The following TMTC2 variants were observed in gnomAD, a reference collection of about 807,000 sequenced individuals.
TMTC2 encodes the protein transmembrane O-mannosyltransferase targeting cadherins 2.
In TMTC2, 43 loss-of-function variants were observed where a neutral mutation model predicts 82.4. The observed-to-expected ratio is 0.52, with a 90% CI of 0.41 to 0.67. TMTC2 has a LOEUF of 0.67. Ranked by LOEUF, TMTC2 falls within the 30% of genes least tolerant of loss-of-function variation. The pLI is 0.00. For synonymous variants in TMTC2, 408 were observed against 381.9 expected (o/e 1.07, Z -0.80); for missense variants, 919 against 1,012.4 (o/e 0.91, Z 1.25).
At chr12:82,700,285 G>A (rs1181060720) in intron 1 of TMTC2, among the ~76,000 whole-genome samples, 3 of 152,066 alleles carry the variant, frequency 2.0e-5, no homozygotes, top group Admixed American at 6.5e-5. Flanking sequence ...AAAGTACTTG[G>A]AACCATACTA....
At chr12:82,836,075 A>C (rs971704433) in intron 1 of TMTC2, among the ~76,000 whole-genome samples, 1 of 152,214 alleles carries the variant, frequency 6.6e-6, no homozygotes, top group East Asian at 1.9e-4. Flanking sequence ...AAGAAATAGC[A>C]GTAATTTTTA....
At chr12:82,874,904 G>T (rs1872399987) in intron 2 of TMTC2, among the ~76,000 whole-genome samples, 1 of 151,912 alleles carries the variant, frequency 6.6e-6, no homozygotes, top group Non-Finnish European at 1.5e-5. Flanking sequence ...CAAATAATTT[G>T]AAATTAATTT....
chr12:82,842,631 C>A (rs184720155), intron 1 of TMTC2, among the ~76,000 whole-genome samples: 32 of 152,278 alleles, frequency 2.1e-4, no homozygotes, highest in Non-Finnish European at 3.5e-4. Flanking sequence ...TAACAGACCA[C>A]CACAGACTGG....
chr12:83,111,000 A>G (rs1490770512), intron 11 of TMTC2, among the ~76,000 whole-genome samples: 1 of 152,108 alleles, frequency 6.6e-6, no homozygotes, highest in Non-Finnish European at 1.5e-5. Flanking sequence ...TTCCCTTCCC[A>G]TGGTCTTTCC....
chr12:82,860,757 CAT>C (rs947861515), intron 2 of TMTC2, among the ~76,000 whole-genome samples: 12 of 152,222 alleles, frequency 7.9e-5, no homozygotes, highest in African/African-American at 2.9e-4. Flanking sequence ...AGTCTCTACA[CAT>C]AGAGTTGTTT....
At position 82,730,296 on chromosome 12, in the gene TMTC2, C is replaced by CAAAAAAAAAAAAAAAAAAAAAAAA. The variant is rs368959079; in HGVS notation, c.83+42647_83+42648insAAAAAAAAAAAAAAAAAAAAAAAA. ...GGCAACAGAGCAAAACTCTGTCTCT[C>CAAAAAAAAAAAAAAAAAAAAAAAA]AAAAAAAAAAAAAAAAAAAAGCAGA... is the stretch of plus-strand genomic sequence containing the variant. On this transcript the variant is annotated intron_variant, in intron 1 of 11. Transcript: ENST00000321196. Among the ~76,000 whole-genome samples the CAAAAAAAAAAAAAAAAAAAAAAAA allele has an allele frequency of 2.5e-5, 2 of 79,004 alleles. 1 individual carries two copies. The highest frequency in any genetic ancestry group is 4.5e-5 in the Non-Finnish European group (2 of 44,074). 51.8% of individuals were successfully genotyped at this position (79,004 alleles called of 152,430 possible). A position where few individuals can be genotyped will look rare whatever the true frequency, so the allele number is the denominator to read the frequency against.
chr12:83,062,633 A>C (rs1304220840), intron 11 of TMTC2, among the ~76,000 whole-genome samples: 1 of 151,860 alleles, frequency 6.6e-6, no homozygotes, highest in African/African-American at 2.4e-5. Context: ...ATTTCTTTAT[A>C]GTAACTCATC....
At chr12:82,757,631 A>G (rs79216249) in intron 1 of TMTC2, among the ~76,000 whole-genome samples, 7,527 of 152,296 alleles carry the variant, frequency 0.049, 254 homozygotes, top group Middle Eastern at 0.16. Flanking sequence ...TGAATTTTCA[A>G]ATTGCTCCTT....
Position 82,821,037 on chromosome 12 carries a change from T to C in TMTC2, c.84-35973T>C, listed in dbSNP as rs201393375. On this transcript the variant is annotated intron_variant, in intron 1 of 11. Transcript: ENST00000321196. ...TTGTGCCTGGATAATTTTTTTTTTT[T>C]TCGTAGAGGAAGAGTCTTGCGATGT... Among the ~76,000 whole-genome samples the C allele has an allele frequency of 2.6e-5, 4 of 152,074 alleles. No individual in the cohort carries two copies. The East Asian group carries it at 7.7e-4, about 29-fold the overall frequency.
chr12:82,730,177 C>G (rs1350002126), intron 1 of TMTC2, among the ~76,000 whole-genome samples: 1 of 151,688 alleles, frequency 6.6e-6, no homozygotes, highest in Admixed American at 6.6e-5. Context: ...TGCCTGGAGT[C>G]CCAGCTATTC....
At chr12:82,782,488 G>A (rs1877957067) in intron 1 of TMTC2, among the ~76,000 whole-genome samples, 1 of 152,044 alleles carries the variant, frequency 6.6e-6, no homozygotes, top group African/African-American at 2.4e-5. Flanking sequence ...GAAGGAACAG[G>A]AACTCTAAAC....
At chr12:82,952,721 T>A (rs1219160703) in intron 4 of TMTC2, among the ~76,000 whole-genome samples, 2 of 151,996 alleles carry the variant, frequency 1.3e-5, no homozygotes, top group East Asian at 3.9e-4. Flanking sequence ...AATTTTTGTG[T>A]GTGGTGTTTT....
At chr12:82,787,541 TA>T (rs1878240232) in intron 1 of TMTC2, among the ~76,000 whole-genome samples, 1 of 152,188 alleles carries the variant, frequency 6.6e-6, no homozygotes, top group African/African-American at 2.4e-5. Flanking sequence ...ATCTTTGACC[TA>T]ATTCATTTTA....
At chr12:82,744,398 G>A (rs551283839) in intron 1 of TMTC2, among the ~76,000 whole-genome samples, 2 of 152,140 alleles carry the variant, frequency 1.3e-5, no homozygotes, top group South Asian at 2.1e-4. Context: ...ACTTCAGCCC[G>A]GTTGACAGAG....
intron 1 of TMTC2, among the ~76,000 whole-genome samples, chr12:82,728,823 G>A (rs1332396793): frequency 1.3e-5 from 2 of 152,216 alleles, no homozygotes; most frequent in African/African-American, 2.4e-5. Context: ...AGGCCAGCGC[G>A]AGTTCCAGGT....
chr12:82,709,488 A>G (rs979704645), intron 1 of TMTC2, among the ~76,000 whole-genome samples: 1 of 152,236 alleles, frequency 6.6e-6, no homozygotes, highest in Non-Finnish European at 1.5e-5. Context: ...GTAAGTCCTG[A>G]CAAGTAAATG....
chr12:82,842,699 C>A (rs1870406999), intron 1 of TMTC2, among the ~76,000 whole-genome samples: 3 of 152,148 alleles, frequency 2.0e-5, no homozygotes, highest in Admixed American at 2.0e-4. Flanking sequence ...AAATCAAGAT[C>A]ATGGTGTCAG....
rs539467408 is a variant in TMTC2, at chr12:82,952,252, T to C, written c.1599-12772T>C. On this transcript the variant is annotated intron_variant, in intron 4 of 11. Coordinates refer to ENST00000321196, the MANE Select transcript of TMTC2 (RefSeq NM_152588.3). ...CATTGTTCTTTTGGACAAACTGATA[T>C]CTGTGACCACTCTGATGTCTAGGAA... is the stretch of plus-strand genomic sequence containing the variant. 4.6e-5 allele frequency among the ~76,000 whole-genome samples: 7 copies of C among 152,308 alleles called. No individual in the cohort carries two copies. In the South Asian group the frequency reaches 1.2e-3, roughly 27 times the overall value.
chr12:83,074,617 G>A (rs2070326590), intron 11 of TMTC2, among the ~76,000 whole-genome samples: 1 of 151,998 alleles, frequency 6.6e-6, no homozygotes, highest in Non-Finnish European at 1.5e-5. Flanking sequence ...TCAGGGAATT[G>A]GAGGAAAGCC....
Sources: gnomAD v4.1 joint callset for allele counts (sites outside exome capture counted in the v4.1 genomes callset) on GRCh38, gnomAD v4.1.1 for gene constraint, MANE v1.5 for transcripts, NCBI Gene and HGNC (gene_info 2026-07-23, HGNC 2026-07-21) for gene names.